The following RASL12 variants were observed in gnomAD, a reference collection of about 807,000 sequenced individuals.
RASL12 encodes RAS like family 12, also known as ras-like protein family member 12.
In RASL12, 16 loss-of-function variants were observed where a neutral mutation model predicts 22.9. The observed-to-expected ratio is 0.70, with a 90% CI of 0.47 to 1.06. The LOEUF (loss-of-function observed/expected upper bound fraction) is 1.06. Ranked by LOEUF, RASL12 falls within the 50% of genes least tolerant of loss-of-function variation. RASL12 has a pLI of 0.00. For missense variants in RASL12, 306 were observed against 353.1 expected, an observed-to-expected ratio of 0.87 and a Z score of 1.07; for synonymous variants, 159 against 152.2, an observed-to-expected ratio of 1.04 and a Z score of -0.33.
chr15:65,072,727 G>C (rs943996828), upstream of RASL12, among the ~76,000 whole-genome samples: 3 of 152,160 alleles, frequency 2.0e-5, no homozygotes, highest in Admixed American at 2.0e-4. Flanking sequence ...GGAGGCCTGA[G>C]GCTGTCTGCT....
chr15:65,071,468 C>T (rs559348514), upstream of RASL12, among the ~76,000 whole-genome samples: 8 of 152,250 alleles, frequency 5.3e-5, no homozygotes, highest in South Asian at 8.3e-4. Flanking sequence ...AACACCCCAC[C>T]GGGGCCTTGG....
intron 1 of RASL12, 90 bp from the exon 2 acceptor site, chr15:65,065,363 T>G (rs1226540490): frequency 8.2e-7 from 1 of 1,222,688 alleles, no homozygotes; most frequent in Non-Finnish European, 1.2e-6. Flanking sequence ...CTAACCTCTG[T>G]GATCCCCGGC....
chr15:65,066,041 T>TAGAGAAGAGA (rs201555916), intron 1 of RASL12, among the ~76,000 whole-genome samples: 71 of 132,730 alleles, frequency 5.3e-4, no homozygotes, highest in Middle Eastern at 3.9e-3. Context: ...AAGAGAAGAG[T>TAGAGAAGAGA]AGAGAAGAGA....
At chr15:65,059,463 G>A (rs375950468) in intron 2 of RASL12, 45 bp from the exon 3 acceptor site, 17 of 1,493,830 alleles carry the variant, frequency 1.1e-5, no homozygotes, top group South Asian at 4.5e-5. Context: ...TGCCTTGGGT[G>A]TAAGTTTGAG....
the RASL12 span, among the ~76,000 whole-genome samples, chr15:65,046,783 C>T: frequency 6.6e-6 from 1 of 151,798 alleles, no homozygotes; most frequent in Non-Finnish European, 1.5e-5. Flanking sequence ...CGTGGTGGCA[C>T]ATGCCTGTTG....
chr15:65,071,209 G>A (rs928703965), upstream of RASL12, among the ~76,000 whole-genome samples: 1 of 152,194 alleles, frequency 6.6e-6, no homozygotes, highest in Non-Finnish European at 1.5e-5. Flanking sequence ...TGAATACAGG[G>A]ATAAACAACA....
intron 1 of RASL12, among the ~76,000 whole-genome samples, chr15:65,075,237 C>T (rs1319915344): frequency 6.6e-6 from 1 of 152,242 alleles, no homozygotes. Flanking sequence ...CTTGATTTCT[C>T]ACCGGGCCTT....
rs943594196 is a variant in RASL12, at chr15:65,054,735, C to A, written c.*164G>T. 2.1e-6 allele frequency: 3 copies of A among 1,443,006 alleles called. No individual in the cohort carries two copies. Among genetic ancestry groups the A allele is most frequent in the Admixed American group, 2.7e-5 (1 of 36,472 alleles). The allele number at this position is 1,443,006 out of a possible 1,614,324, so 89.4% of individuals were successfully genotyped here. ...GGAGGGAACAGAAGCAGCATCCCTGCCTGCCACTCCAGCTCACACAGTGAA... is the reference window on the plus strand; with the variant it reads ...GGAGGGAACAGAAGCAGCATCCCTGACTGCCACTCCAGCTCACACAGTGAA... On this transcript the variant is annotated 3_prime_UTR_variant, in exon 5 of 5. Coordinates refer to ENST00000220062, the MANE Select transcript of RASL12 (RefSeq NM_016563.4).
intron 3 of RASL12, among the ~76,000 whole-genome samples, chr15:65,059,089 C>T (rs1262225356): frequency 6.6e-6 from 1 of 152,240 alleles, no homozygotes; most frequent in Non-Finnish European, 1.5e-5. Context: ...TGTGCACAGG[C>T]ACAGAGCCCC....
At position 65,053,507 on chromosome 15, in the gene RASL12, A is replaced by G. The variant is rs552202731; in HGVS notation, c.*1392T>C. 1.1e-4 allele frequency: 120 copies of G among 1,098,740 alleles called. No homozygotes were observed. The African/African-American group carries it at 1.9e-3, about 17-fold the overall frequency. 68.1% of individuals were successfully genotyped at this position (1,098,740 alleles called of 1,614,324 possible). A position where few individuals can be genotyped will look rare whatever the true frequency, so the allele number is the denominator to read the frequency against. On this transcript the variant is annotated 3_prime_UTR_variant, in exon 5 of 5. Transcript: ENST00000220062. ...TGGGTCGGGAAGCCTGTAGGACTGC[A>G]AGCATGTGGTCTTGAGTAGTTCACA...
intron 1 of RASL12, among the ~76,000 whole-genome samples, chr15:65,076,049 A>C (rs973523606): frequency 1.1e-4 from 16 of 152,100 alleles, no homozygotes; most frequent in Non-Finnish European, 4.4e-5. Flanking sequence ...GAACTTTTGT[A>C]TCTAGCTCAG....
chr15:65,060,353 T>C (rs939025593), intron 2 of RASL12, among the ~76,000 whole-genome samples: 4 of 152,192 alleles, frequency 2.6e-5, no homozygotes, highest in Non-Finnish European at 5.9e-5. Context: ...AGTTGTAAAA[T>C]AGTAGAGTTC....
In RASL12 at chr15:65,054,763, G is replaced by A; in HGVS notation, c.*136C>T. The A allele has an allele frequency of 1.4e-6, 2 of 1,476,162 alleles. No homozygotes were observed. The highest frequency in any genetic ancestry group is 1.8e-6 in the Non-Finnish European group (2 of 1,119,832). 91.4% of individuals were successfully genotyped at this position (1,476,162 alleles called of 1,614,324 possible). ...GCCACTCCAGCTCACACAGTGAATTGAGTGTAGGGACACTGCTTGGTGCTG... is the reference window on the plus strand; with the variant it reads ...GCCACTCCAGCTCACACAGTGAATTAAGTGTAGGGACACTGCTTGGTGCTG... On this transcript the variant is annotated 3_prime_UTR_variant, in exon 5 of 5. Transcript: ENST00000220062.
At chr15:65,059,026 G>A (rs567064886) in intron 3 of RASL12, among the ~76,000 whole-genome samples, 34 of 152,328 alleles carry the variant, frequency 2.2e-4, no homozygotes, top group Middle Eastern at 3.4e-3. Context: ...GACCTGGGCC[G>A]AGGGGCTCTC....
rs751581059 is a variant in RASL12, at chr15:65,058,631, G to T, written c.235-14C>A. 8 of 1,479,368 alleles carry T rather than the reference G, an allele frequency of 5.4e-6. No individual in the cohort carries two copies. The South Asian group carries it at 9.7e-5, about 18-fold the overall frequency. 91.6% of individuals were successfully genotyped at this position (1,479,368 alleles called of 1,614,324 possible). Reference sequence around the variant, plus strand: ...CCTGGGGGTGTCCTGGGGTGAAGGTGAGAAGCCCCGCCGGGGGGCAGAGGA... The same window carrying T: ...CCTGGGGGTGTCCTGGGGTGAAGGTTAGAAGCCCCGCCGGGGGGCAGAGGA... On this transcript the variant is annotated splice_polypyrimidine_tract_variant and intron_variant, in intron 3 of 4. Transcript: ENST00000220062.
intron 4 of RASL12, among the ~76,000 whole-genome samples, chr15:65,057,454 C>T (rs1053587667): frequency 6.6e-6 from 1 of 152,168 alleles, no homozygotes; most frequent in Non-Finnish European, 1.5e-5. Flanking sequence ...AGGTAAACCA[C>T]GGGGAGTGGT....
intron 1 of RASL12, among the ~76,000 whole-genome samples, chr15:65,073,693 T>A (rs925492918): frequency 6.6e-6 from 1 of 152,256 alleles, no homozygotes; most frequent in African/African-American, 2.4e-5. Flanking sequence ...TCTCTGGCTA[T>A]GTGACTAAAC....
chr15:65,061,200 GC>G lies in RASL12; in HGVS notation c.161-1783del, dbSNP rs376781223. 3.3e-4 allele frequency among the ~76,000 whole-genome samples: 51 copies of G among 152,304 alleles called. 1 individual carries two copies. In the East Asian group the frequency reaches 9.8e-3, roughly 29 times the overall value. ...CATTGTAGAGAGATGGCAAGGTGAG[GC>G]CCAGAGAAGGGATCTCACCCAAGGC... On this transcript the variant is annotated intron_variant, in intron 2 of 4. Coordinates refer to ENST00000220062, the MANE Select transcript of RASL12 (RefSeq NM_016563.4).
chr15:65,046,739 C>T, the RASL12 span, among the ~76,000 whole-genome samples: 2 of 151,968 alleles, frequency 1.3e-5, no homozygotes, highest in Non-Finnish European at 2.9e-5. Context: ...ATGATGAAAC[C>T]CCATCGCTAC....
Sources: allele counts gnomAD v4.1 joint callset (sites outside exome capture counted in the v4.1 genomes callset), GRCh38; gene constraint gnomAD v4.1.1; transcripts MANE v1.5; gene names NCBI Gene and HGNC (gene_info 2026-07-23, HGNC 2026-07-21).